The following CTIF variants were observed in gnomAD, a reference collection of about 807,000 sequenced individuals.
The protein encoded by CTIF is CBP80/20-dependent translation initiation factor.
CTIF carries 21 observed loss-of-function variants against 66.0 expected under a neutral mutation model. The observed-to-expected ratio is 0.32, with a 90% CI of 0.23 to 0.46. The LOEUF is 0.46. Ranked by LOEUF, CTIF falls within the 20% of genes least tolerant of loss-of-function variation. The probability of loss-of-function intolerance (pLI) is 1.00; values close to 1 mark genes in which losing one functional copy is unlikely to be tolerated. For synonymous variants in CTIF, 345 were observed against 326.4 expected, an observed-to-expected ratio of 1.06 and a Z score of -0.62; for missense variants, 739 against 812.7, an observed-to-expected ratio of 0.91 and a Z score of 1.10.
At chr18:48,850,937 G>C (rs1359019724) in intron 10 of CTIF, among the ~76,000 whole-genome samples, 2 of 152,248 alleles carry the variant, frequency 1.3e-5, no homozygotes, top group Admixed American at 1.3e-4. Flanking sequence ...CTGCGTTCCA[G>C]CAACTGGGAG....
At chr18:48,695,439 G>A (rs879217604) in intron 6 of CTIF, among the ~76,000 whole-genome samples, 1 of 152,156 alleles carries the variant, frequency 6.6e-6, no homozygotes, top group Admixed American at 6.5e-5. Context: ...CGTCAGTGCT[G>A]GGTCTCATGA....
chr18:48,670,328 G>C (rs1244278229), intron 5 of CTIF, among the ~76,000 whole-genome samples: 3 of 152,324 alleles, frequency 2.0e-5, no homozygotes, highest in African/African-American at 7.2e-5. Context: ...TGGTGTCTCT[G>C]TCCACTGATC....
intron 3 of CTIF, among the ~76,000 whole-genome samples, chr18:48,645,693 G>C (rs1364256362): frequency 6.6e-6 from 1 of 152,220 alleles, no homozygotes; most frequent in Non-Finnish European, 1.5e-5. Flanking sequence ...TCCTGCTGGG[G>C]TGGTGTCAGA....
chr18:48,817,832 TCTG>T (rs994734178), intron 10 of CTIF, among the ~76,000 whole-genome samples: 4 of 151,470 alleles, frequency 2.6e-5, no homozygotes, highest in African/African-American at 4.9e-5. Context: ...AGCAGTCACT[TCTG>T]CTCCCCAAAG....
intron 10 of CTIF, among the ~76,000 whole-genome samples, chr18:48,835,232 T>G (rs1474280105): frequency 6.6e-6 from 1 of 152,298 alleles, no homozygotes; most frequent in Non-Finnish European, 1.5e-5. Context: ...TATGGTGTCT[T>G]TATTGGCCAT....
At chr18:48,759,783 AAG>A (rs1400416071) in intron 8 of CTIF, among the ~76,000 whole-genome samples, 1 of 152,204 alleles carries the variant, frequency 6.6e-6, no homozygotes, top group Non-Finnish European at 1.5e-5. Context: ...AGATGGTCGG[AAG>A]AGAGGGGTAC....
chr18:48,548,389 A>T (rs2088805613), intron 1 of CTIF, among the ~76,000 whole-genome samples: 1 of 152,254 alleles, frequency 6.6e-6, no homozygotes, highest in African/African-American at 2.4e-5. Flanking sequence ...GTCACCAAAC[A>T]GGCTGGTGTT....
intron 6 of CTIF, among the ~76,000 whole-genome samples, chr18:48,696,949 AC>A (rs1446186923): frequency 6.6e-6 from 1 of 152,088 alleles, no homozygotes; most frequent in Non-Finnish European, 1.5e-5. Flanking sequence ...GTCCTGGGGG[AC>A]CCAGGTCTTT....
intron 7 of CTIF, among the ~76,000 whole-genome samples, chr18:48,715,962 T>C (rs2092277287): frequency 1.3e-5 from 2 of 152,174 alleles, no homozygotes; most frequent in South Asian, 4.1e-4. Context: ...CTGTTGGTCA[T>C]CAGGCAGGGA....
intron 1 of CTIF, among the ~76,000 whole-genome samples, chr18:48,547,412 CAG>C (rs1482723209): frequency 6.6e-6 from 1 of 152,194 alleles, no homozygotes; most frequent in Non-Finnish European, 1.5e-5. Context: ...TTCCCATGCT[CAG>C]AGTCTTTAGT....
At chr18:48,747,539 T>C (rs1273843321) in intron 7 of CTIF, among the ~76,000 whole-genome samples, 1 of 152,138 alleles carries the variant, frequency 6.6e-6, no homozygotes, top group Non-Finnish European at 1.5e-5. Flanking sequence ...GGGTCACTAC[T>C]CAGTTTCATG....
At chr18:48,660,016 G>A (rs551647454) in intron 3 of CTIF, among the ~76,000 whole-genome samples, 1 of 151,880 alleles carries the variant, frequency 6.6e-6, no homozygotes, top group African/African-American at 2.4e-5. Flanking sequence ...TGTGTCGATT[G>A]TGTGACTGCC....
At chr18:48,806,493 A>G (rs995213775) in intron 9 of CTIF, among the ~76,000 whole-genome samples, 1 of 152,192 alleles carries the variant, frequency 6.6e-6, no homozygotes, top group Non-Finnish European at 1.5e-5. Context: ...TGGATGGGCA[A>G]ATTTCCCTAG....
At chr18:48,765,039 G>C (rs1430012110) in intron 9 of CTIF, among the ~76,000 whole-genome samples, 2 of 152,210 alleles carry the variant, frequency 1.3e-5, no homozygotes, top group Non-Finnish European at 2.9e-5. Flanking sequence ...CAGAGGTGGA[G>C]TGGGCTTTTC....
At chr18:48,817,006 A>G (rs746397531) in intron 9 of CTIF, among the ~76,000 whole-genome samples, 1 of 152,084 alleles carries the variant, frequency 6.6e-6, no homozygotes, top group African/African-American at 2.4e-5. Flanking sequence ...TGTGTCCCCA[A>G]CCTGGGGACA....
Position 48,683,801 on chromosome 18 carries a change from G to A in CTIF, c.507+13057G>A, listed in dbSNP as rs573731462. Among the ~76,000 whole-genome samples the A allele has an allele frequency of 3.9e-5, 6 of 152,330 alleles. No homozygotes were observed. In the South Asian group the frequency reaches 1.2e-3, roughly 32 times the overall value. On this transcript the variant is annotated intron_variant, in intron 6 of 11. Coordinates refer to ENST00000256413, the MANE Select transcript of CTIF (RefSeq NM_014772.3). ...CCCAGAGGTCTGCCAGCCTGGCCGG[G>A]ATCCAGGGAGGGTAAATGGTGGCTC...
intron 6 of CTIF, among the ~76,000 whole-genome samples, chr18:48,704,931 C>T (rs1207917344): frequency 2.6e-5 from 4 of 152,208 alleles, no homozygotes; most frequent in African/African-American, 4.8e-5. Flanking sequence ...GGGCACATCT[C>T]GGCCCCATGT....
intron 7 of CTIF, among the ~76,000 whole-genome samples, chr18:48,716,734 G>A (rs529331375): frequency 7.2e-5 from 11 of 152,276 alleles, no homozygotes; most frequent in East Asian, 3.9e-4. Flanking sequence ...TCCAAAGCCC[G>A]GCCTCTTAAC....
At chr18:48,812,996 C>A (rs1021019479) in intron 9 of CTIF, among the ~76,000 whole-genome samples, 2 of 145,030 alleles carry the variant, frequency 1.4e-5, no homozygotes, top group African/African-American at 5.2e-5. Context: ...TCTTCTCTAT[C>A]GTTTTTCTTT....
Sources: gnomAD v4.1 joint callset for allele counts (sites outside exome capture counted in the v4.1 genomes callset) on GRCh38, gnomAD v4.1.1 for gene constraint, MANE v1.5 for transcripts, NCBI Gene and HGNC (gene_info 2026-07-23, HGNC 2026-07-21) for gene names.